OPCML: variants seen among roughly 807,000 people sequenced by gnomAD.
OPCML encodes opioid-binding protein/cell adhesion molecule.
OPCML carries 13 observed loss-of-function variants against 37.8 expected under a neutral mutation model. That is an observed-to-expected ratio of 0.34 (90% CI 0.22 to 0.55). The LOEUF (loss-of-function observed/expected upper bound fraction) is 0.55, where lower values mean the gene tolerates loss of function less well. Ranked by LOEUF, OPCML falls within the 20% of genes least tolerant of loss-of-function variation. The pLI is 0.91. For synonymous variants in OPCML, 176 were observed against 168.8 expected (o/e 1.04, Z -0.33); for missense variants, 341 against 435.6 (o/e 0.78, Z 1.93).
intron 1 of OPCML, among the ~76,000 whole-genome samples, chr11:133,142,389 G>A (rs924526159): frequency 6.6e-6 from 1 of 152,186 alleles, no homozygotes; most frequent in Non-Finnish European, 1.5e-5. Flanking sequence ...CACTCTTGCT[G>A]TTTGAAAGTC....
At chr11:132,477,573 A>C (rs2136993406) in intron 4 of OPCML, among the ~76,000 whole-genome samples, 1 of 152,370 alleles carries the variant, frequency 6.6e-6, no homozygotes, top group South Asian at 2.1e-4. Context: ...AGAAGAGGGC[A>C]AAGCTGTCCC....
intron 1 of OPCML, among the ~76,000 whole-genome samples, chr11:133,009,770 T>C (rs149661712): frequency 7.0e-4 from 107 of 152,290 alleles, no homozygotes; most frequent in African/African-American, 2.5e-3. Context: ...CCGCCTCTGA[T>C]CTGACAGGAG....
chr11:132,909,273 A>G (rs1209075102), intron 2 of OPCML, among the ~76,000 whole-genome samples: 2 of 152,254 alleles, frequency 1.3e-5, no homozygotes, highest in African/African-American at 4.8e-5. Context: ...ATGGAACCCC[A>G]GACCTCAAGG....
chr11:133,274,756 T>A (rs188908474), intron 1 of OPCML, among the ~76,000 whole-genome samples: 42 of 152,306 alleles, frequency 2.8e-4, no homozygotes, highest in African/African-American at 8.4e-4. Context: ...TACCATCCCA[T>A]CTTCAGTCAC....
intron 2 of OPCML, among the ~76,000 whole-genome samples, chr11:132,798,348 G>A (rs1591626123): frequency 1.3e-5 from 2 of 152,268 alleles, no homozygotes; most frequent in Non-Finnish European, 1.5e-5. Flanking sequence ...TGGGATTACA[G>A]GCATGAGCCA....
intron 7 of OPCML, among the ~76,000 whole-genome samples, chr11:132,423,739 T>C (rs551103934): frequency 1.6e-4 from 25 of 152,312 alleles, no homozygotes; most frequent in African/African-American, 6.0e-4. Context: ...TTAAGTAATT[T>C]GGTGTGGTCC....
chr11:132,522,805 G>A lies in OPCML; in HGVS notation c.505+6256C>T, dbSNP rs1426714185. On this transcript the variant is annotated intron_variant, in intron 4 of 7. Coordinates refer to ENST00000524381, the MANE Select transcript of OPCML (RefSeq NM_001012393.5). ...CTAACACCACCATCCAACAGGGATC[G>A]ATACCTATACACAAGTGCGGGTCAG... is the stretch of plus-strand genomic sequence containing the variant. 1.3e-5 allele frequency among the ~76,000 whole-genome samples: 2 copies of A among 152,182 alleles called. 1 individual carries two copies. Among genetic ancestry groups the A allele is most frequent in the South Asian group, 4.1e-4 (2 of 4,830 alleles).
At position 132,923,973 on chromosome 11, in the gene OPCML, G is replaced by C. The variant is rs184424391; in HGVS notation, c.146+18953C>G. On this transcript the variant is annotated intron_variant, in intron 2 of 7. Transcript: ENST00000524381. ...AGATGGAGTTTCTCCATGTTGGTCA[G>C]GCTGGTCTCAAACTCCTGACCTCAG... Among the ~76,000 whole-genome samples, 33 of 151,834 alleles carry C rather than the reference G, an allele frequency of 2.2e-4. 1 individual carries two copies. In the East Asian group the frequency reaches 6.4e-3, roughly 30 times the overall value.
chr11:133,155,330 C>T (rs1007903840), intron 1 of OPCML, among the ~76,000 whole-genome samples: 10 of 152,164 alleles, frequency 6.6e-5, no homozygotes, highest in Non-Finnish European at 1.2e-4. Context: ...TCTGCTTCTA[C>T]TGTAATATTG....
At chr11:133,501,880 C>G (rs4937785) in intron 1 of OPCML, among the ~76,000 whole-genome samples, 24,664 of 152,010 alleles carry the variant, frequency 0.16, 2,251 homozygotes, top group Admixed American at 0.26. Context: ...CCGTCCTAAT[C>G]CAGCAGCCTT....
intron 1 of OPCML, among the ~76,000 whole-genome samples, chr11:133,056,706 C>T (rs982445807): frequency 6.6e-6 from 1 of 152,202 alleles, no homozygotes; most frequent in East Asian, 1.9e-4. Flanking sequence ...ATGTGCAGTA[C>T]TCAGATGGTT....
At chr11:132,991,665 A>G (rs1454623218) in intron 1 of OPCML, among the ~76,000 whole-genome samples, 2 of 152,182 alleles carry the variant, frequency 1.3e-5, no homozygotes, top group African/African-American at 4.8e-5. Context: ...CAGGCCTTCA[A>G]CACAGCCCTA....
chr11:133,160,340 T>C (rs978435324), intron 1 of OPCML, among the ~76,000 whole-genome samples: 7 of 152,206 alleles, frequency 4.6e-5, no homozygotes, highest in African/African-American at 1.7e-4. Context: ...CAGGCGTTCA[T>C]GTGACACTCC....
chr11:132,981,505 G>T (rs1946583215), intron 1 of OPCML, among the ~76,000 whole-genome samples: 1 of 152,102 alleles, frequency 6.6e-6, no homozygotes, highest in Non-Finnish European at 1.5e-5. Flanking sequence ...GCCTGAGGGA[G>T]GAATGTGAAT....
intron 2 of OPCML, among the ~76,000 whole-genome samples, chr11:132,781,852 C>A (rs1363958474): frequency 6.6e-6 from 1 of 150,390 alleles, no homozygotes; most frequent in East Asian, 1.9e-4. Flanking sequence ...CCTCAGAGAC[C>A]AGACATACAA....
intron 1 of OPCML, among the ~76,000 whole-genome samples, chr11:133,419,779 C>T (rs1018797785): frequency 2.6e-5 from 4 of 152,172 alleles, no homozygotes; most frequent in African/African-American, 9.7e-5. Flanking sequence ...ACTTAACATT[C>T]TATCATGTCT....
At chr11:133,231,132 C>A (rs1940257585) in intron 1 of OPCML, among the ~76,000 whole-genome samples, 1 of 152,166 alleles carries the variant, frequency 6.6e-6, no homozygotes, top group South Asian at 2.1e-4. Context: ...TTTGTCTGTT[C>A]TAACATACGA....
chr11:133,285,531 TG>T (rs1592167041), intron 1 of OPCML, among the ~76,000 whole-genome samples: 1 of 152,150 alleles, frequency 6.6e-6, no homozygotes, highest in African/African-American at 2.4e-5. Context: ...CGAAGGGCAG[TG>T]GCAGTGAGAA....
intron 3 of OPCML, among the ~76,000 whole-genome samples, chr11:132,530,590 C>T (rs557251932): frequency 6.6e-6 from 1 of 152,154 alleles, no homozygotes; most frequent in African/African-American, 2.4e-5. Flanking sequence ...TTCTGCATGA[C>T]CTGAGCTCTC....
Sources: gnomAD v4.1 joint callset for allele counts (sites outside exome capture counted in the v4.1 genomes callset) on GRCh38, gnomAD v4.1.1 for gene constraint, MANE v1.5 for transcripts, NCBI Gene and HGNC (gene_info 2026-07-23, HGNC 2026-07-21) for gene names.